PTPN11: variants seen among roughly 807,000 people sequenced by gnomAD.
PTPN11 encodes the protein protein tyrosine phosphatase non-receptor type 11.
A neutral mutation model predicts 78.8 loss-of-function variants in PTPN11; 6 were observed. The observed-to-expected ratio is 0.08, with a 90% confidence interval of 0.04 to 0.15. The LOEUF is 0.15. Among genes scored for constraint, PTPN11 ranks in the 10% least tolerant of loss-of-function variants. The probability of loss-of-function intolerance (pLI) is 1.00; values close to 1 mark genes in which losing one functional copy is unlikely to be tolerated. For missense variants in PTPN11, 386 were observed against 744.8 expected, an observed-to-expected ratio of 0.52 and a Z score of 5.61; for synonymous variants, 221 against 263.5, an observed-to-expected ratio of 0.84 and a Z score of 1.56.
chr12:112,435,034 G>A (rs748436912), intron 1 of PTPN11, among the ~76,000 whole-genome samples: 18 of 150,594 alleles, frequency 1.2e-4, no homozygotes, highest in Middle Eastern at 3.2e-3. Context: ...TGCTCTGCCC[G>A]CCTTGGCCTC....
At position 112,455,933 on chromosome 12, in the gene PTPN11, C is replaced by T. The variant is rs779021487; in HGVS notation, c.643-17C>T. On this transcript the variant is annotated splice_polypyrimidine_tract_variant and intron_variant, in intron 5 of 15. Transcript: ENST00000351677. Reference sequence around the variant, plus strand: ...TAATATTTTCTTTATTTTACATCAACTGCTGTACTCGATCAGCCCCTTAAC... The same window carrying T: ...TAATATTTTCTTTATTTTACATCAATTGCTGTACTCGATCAGCCCCTTAAC... 4.1e-6 allele frequency: 5 copies of T among 1,206,192 alleles called. No homozygotes were observed. In the East Asian group the frequency reaches 8.1e-5, roughly 20 times the overall value. The allele number at this position is 1,206,192 out of a possible 1,614,324, so 74.7% of individuals were successfully genotyped here.
At chr12:112,447,802 T>C (rs1283889663) in intron 2 of PTPN11, among the ~76,000 whole-genome samples, 2 of 146,342 alleles carry the variant, frequency 1.4e-5, no homozygotes, top group African/African-American at 5.1e-5. Context: ...GCCTGGCCTT[T>C]TTTTTTTTTT....
intron 11 of PTPN11, among the ~76,000 whole-genome samples, chr12:112,487,636 T>C (rs1172109615): frequency 1.3e-5 from 2 of 152,182 alleles, no homozygotes; most frequent in Non-Finnish European, 2.9e-5. Context: ...CTCATTCATT[T>C]CTTGGGCAAG....
At chr12:112,448,763 T>TATA (rs1266473595) in intron 2 of PTPN11, among the ~76,000 whole-genome samples, 1 of 152,248 alleles carries the variant, frequency 6.6e-6, no homozygotes, top group Non-Finnish European at 1.5e-5. Context: ...TAAAATGATA[T>TATA]ATAATGCCTC....
chr12:112,493,218 C>T (rs2135921350), intron 13 of PTPN11, among the ~76,000 whole-genome samples: 1 of 151,996 alleles, frequency 6.6e-6, no homozygotes, highest in South Asian at 2.1e-4. Flanking sequence ...ACCATCACAC[C>T]CGGCTAATTT....
intron 6 of PTPN11, among the ~76,000 whole-genome samples, chr12:112,470,654 C>G (rs1311061334): frequency 6.6e-6 from 1 of 152,150 alleles, no homozygotes; most frequent in Admixed American, 6.6e-5. Flanking sequence ...CACCGCCCCC[C>G]CACCTCAGTG....
At chr12:112,434,256 C>T (rs779259066) in intron 1 of PTPN11, among the ~76,000 whole-genome samples, 32 of 151,836 alleles carry the variant, frequency 2.1e-4, no homozygotes, top group African/African-American at 2.2e-4. Context: ...CTCCAACCTG[C>T]GCAACAGAGT....
intron 1 of PTPN11, among the ~76,000 whole-genome samples, chr12:112,445,454 A>G (rs1219281897): frequency 1.3e-5 from 2 of 151,862 alleles, no homozygotes; most frequent in East Asian, 1.9e-4. Context: ...ATCTATTTCT[A>G]TATCTACATT....
chr12:112,419,962 G>T (rs953201517), intron 1 of PTPN11, among the ~76,000 whole-genome samples: 10 of 152,192 alleles, frequency 6.6e-5, no homozygotes, highest in Non-Finnish European at 1.3e-4. Flanking sequence ...CATTTGCTTA[G>T]TTCTGACCAC....
At chr12:112,497,153 C>T (rs1307071047) in intron 13 of PTPN11, among the ~76,000 whole-genome samples, 1 of 131,926 alleles carries the variant, frequency 7.6e-6, no homozygotes, top group Non-Finnish European at 1.5e-5. Flanking sequence ...GTCTGGGCGA[C>T]AGAGCGAGAC....
Position 112,506,946 on chromosome 12 carries a change from TTGA to T in PTPN11, c.*1199_*1201del, listed in dbSNP as rs80269561. 72,971 of 215,376 alleles carry T rather than the reference TTGA, an allele frequency of 0.34. 15,082 individuals are homozygous for T. The highest frequency in any genetic ancestry group is 0.66 in the African/African-American group (27,098 of 41,316). The allele number at this position is 215,376 out of a possible 1,614,324, so 13.3% of individuals were successfully genotyped here. ...ACAGTGTCCCTTCTACTTCCCTCTA[TTGA>T]TGATGATGATGATGATGATGATGAT... On this transcript the variant is annotated 3_prime_UTR_variant, in exon 16 of 16. Transcript: ENST00000351677.
chr12:112,493,140 C>A (rs1169017544), intron 13 of PTPN11, among the ~76,000 whole-genome samples: 2 of 151,388 alleles, frequency 1.3e-5, no homozygotes, highest in Non-Finnish European at 1.5e-5. Flanking sequence ...CTCATTACAA[C>A]CTCCACCTCC....
intron 1 of PTPN11, among the ~76,000 whole-genome samples, chr12:112,446,056 A>G (rs1384085908): frequency 6.6e-6 from 1 of 152,030 alleles, no homozygotes; most frequent in Non-Finnish European, 1.5e-5. Context: ...CCCTCTGATC[A>G]TATCCCCAGA....
At chr12:112,485,123 C>G (rs905393614) in intron 10 of PTPN11, among the ~76,000 whole-genome samples, 1 of 151,914 alleles carries the variant, frequency 6.6e-6, no homozygotes, top group African/African-American at 2.4e-5. Context: ...GTGGTACATG[C>G]CTGTAGTCCC....
At chr12:112,444,249 G>A (rs2037954876) in intron 1 of PTPN11, among the ~76,000 whole-genome samples, 1 of 152,032 alleles carries the variant, frequency 6.6e-6, no homozygotes, top group South Asian at 2.1e-4. Flanking sequence ...GTGAATATGA[G>A]TTATAGAAAA....
intron 6 of PTPN11, among the ~76,000 whole-genome samples, chr12:112,464,421 T>A (rs2038295427): frequency 6.6e-6 from 1 of 152,150 alleles, no homozygotes; most frequent in African/African-American, 2.4e-5. Context: ...GTTTCTTTTT[T>A]ATTTTAATTT....
chr12:112,471,448 A>G (rs1322551688), intron 6 of PTPN11, among the ~76,000 whole-genome samples: 1 of 132,856 alleles, frequency 7.5e-6, no homozygotes, highest in Non-Finnish European at 1.6e-5. Flanking sequence ...TCATATGATA[A>G]ACAGAAAGAG....
chr12:112,422,226 T>G (rs1031395483), intron 1 of PTPN11, among the ~76,000 whole-genome samples: 1 of 152,212 alleles, frequency 6.6e-6, no homozygotes, highest in African/African-American at 2.4e-5. Flanking sequence ...ATTATCAAAA[T>G]AACTCCTCTT....
chr12:112,505,656 C>CAAAAAAA (rs1191524369), intron 15 of PTPN11, among the ~76,000 whole-genome samples, 169 bp from the exon 16 acceptor site: 1 of 36,728 alleles, frequency 2.7e-5, no homozygotes, highest in Non-Finnish European at 6.4e-5. Flanking sequence ...AACTCCATCT[C>CAAAAAAA]AAAAAAAAAA....
Sources: allele counts gnomAD v4.1 joint callset (sites outside exome capture counted in the v4.1 genomes callset), GRCh38; gene constraint gnomAD v4.1.1; transcripts MANE v1.5; gene names NCBI Gene and HGNC (gene_info 2026-07-23, HGNC 2026-07-21).